VEZT: variants seen among roughly 807,000 people sequenced by gnomAD.
VEZT encodes vezatin.
In VEZT, 39 loss-of-function variants were observed where a neutral mutation model predicts 79.9. The ratio of observed to expected loss-of-function variants is 0.49; its 90% confidence interval spans 0.38 to 0.64. VEZT has a LOEUF of 0.64. Ranked by LOEUF, VEZT falls within the 30% of genes least tolerant of loss-of-function variation. The pLI is 0.00. For missense variants in VEZT, 837 were observed against 893.1 expected (o/e 0.94, Z 0.80); for synonymous variants, 325 against 327.6 (o/e 0.99, Z 0.09).
At chr12:95,251,357 T>A (rs932238101) in intron 1 of VEZT, among the ~76,000 whole-genome samples, 2 of 152,204 alleles carry the variant, frequency 1.3e-5, no homozygotes, top group African/African-American at 4.8e-5. Flanking sequence ...TTAGCCATAC[T>A]GTGTTCTATT....
intron 1 of VEZT, among the ~76,000 whole-genome samples, chr12:95,250,791 C>T (rs1593415162): frequency 6.8e-6 from 1 of 147,166 alleles, no homozygotes. Flanking sequence ...GTGCTGTTTC[C>T]ACATAGCTTA....
At chr12:95,288,796 A>G (rs1372868976) in intron 9 of VEZT, among the ~76,000 whole-genome samples, 1 of 152,216 alleles carries the variant, frequency 6.6e-6, no homozygotes, top group African/African-American at 2.4e-5. Context: ...CCAAAGGATA[A>G]ATCTACCAAG....
intron 1 of VEZT, among the ~76,000 whole-genome samples, chr12:95,239,626 G>A (rs1166059415): frequency 6.6e-6 from 1 of 152,142 alleles, no homozygotes. Context: ...CAGGGCTAGT[G>A]TGAAGAGCTC....
At chr12:95,253,790 A>G (rs1454348181) in intron 2 of VEZT, among the ~76,000 whole-genome samples, 1 of 152,142 alleles carries the variant, frequency 6.6e-6, no homozygotes, top group Admixed American at 6.5e-5. Flanking sequence ...TAAAAAGCAT[A>G]GCCAGAGGTT....
chr12:95,280,242 T>C (rs2068703232), intron 7 of VEZT, among the ~76,000 whole-genome samples: 1 of 152,144 alleles, frequency 6.6e-6, no homozygotes, highest in East Asian at 1.9e-4. Context: ...GGCTCCCCAT[T>C]GCTTACCTGG....
chr12:95,280,612 C>T (rs2068847138), intron 7 of VEZT, among the ~76,000 whole-genome samples: 1 of 151,286 alleles, frequency 6.6e-6, no homozygotes, highest in African/African-American at 2.4e-5. Flanking sequence ...CTTTCTTTTT[C>T]TTCCTCGACA....
chr12:95,266,379 T>G lies in VEZT; in HGVS notation c.457T>G (p.Phe153Val), dbSNP rs762412270. 1.9e-6 allele frequency: 3 copies of G among 1,613,580 alleles called. No individual in the cohort carries two copies. Among genetic ancestry groups the G allele is most frequent in the Non-Finnish European group, 2.5e-6 (3 of 1,179,726 alleles). The change falls in exon 5 of 12, where the codon TTC becomes GTC. Residue 153 changes from phenylalanine (F) to valine (V), a missense_variant. Transcript: ENST00000436874. ...CAGGGATCTCTCAATGCTATTTGCCTTCATTAGCTTGCTCGTTATGCTTCC... is the reference window on the plus strand; with the variant it reads ...CAGGGATCTCTCAATGCTATTTGCCGTCATTAGCTTGCTCGTTATGCTTCC... ...NIWDLSMLFA[F>V]ISLLVMLPTW...
At chr12:95,250,070 TA>T (rs397825505) in intron 1 of VEZT, among the ~76,000 whole-genome samples, 8 of 149,670 alleles carry the variant, frequency 5.3e-5, no homozygotes, top group Non-Finnish European at 1.2e-4. Flanking sequence ...CTTTTTTTTT[TA>T]ATTATTATTA....
In VEZT at chr12:95,257,005, G is replaced by A. The variant is rs1281176382; in HGVS notation, c.169-145G>A. 8.4e-6 allele frequency: 5 copies of A among 597,728 alleles called. No homozygotes were observed. The East Asian group carries it at 8.9e-5, about 11-fold the overall frequency. 37.0% of individuals were successfully genotyped at this position (597,728 alleles called of 1,614,324 possible). A position where few individuals can be genotyped will look rare whatever the true frequency, so the allele number is the denominator to read the frequency against. Reference sequence around the variant, plus strand: ...TAGGAACTAATAAGGAGGCTGAGATGTACTGACAAGGTATATAACCTGGAC... The same window carrying A: ...TAGGAACTAATAAGGAGGCTGAGATATACTGACAAGGTATATAACCTGGAC... On this transcript the variant is annotated intron_variant, in intron 2 of 11. Transcript: ENST00000436874.
intron 1 of VEZT, among the ~76,000 whole-genome samples, chr12:95,235,703 G>A (rs1460609382): frequency 6.2e-4 from 93 of 149,732 alleles, no homozygotes; most frequent in African/African-American, 2.3e-3. Context: ...GGGGCGGCTG[G>A]CCGGGCGGGG....
At chr12:95,252,791 C>G (rs986004108) in intron 2 of VEZT, among the ~76,000 whole-genome samples, 1 of 152,086 alleles carries the variant, frequency 6.6e-6, no homozygotes, top group Non-Finnish European at 1.5e-5. Context: ...ATGGTGAAAC[C>G]CTGTCTCTAC....
chr12:95,254,164 T>C (rs2063069217), intron 2 of VEZT, among the ~76,000 whole-genome samples: 1 of 151,304 alleles, frequency 6.6e-6, no homozygotes, highest in South Asian at 2.1e-4. Flanking sequence ...TCTTTATTTT[T>C]TGTAAAGATT....
rs540514974 is a variant in VEZT, at chr12:95,297,409, T to C, written c.1831+1151T>C. On this transcript the variant is annotated intron_variant, in intron 11 of 11. Transcript: ENST00000436874. ...GTTCCTCCAGTTCTCTTTTTTTTTT[T>C]CCCCTCAGGAGCCCTATGTTTTCTC... 2.5e-3 allele frequency among the ~76,000 whole-genome samples: 380 copies of C among 150,636 alleles called. 1 individual carries two copies. The highest frequency in any genetic ancestry group is 7.7e-3 in the Admixed American group (117 of 15,126).
Position 95,278,096 on chromosome 12 carries a change from G to A in VEZT, c.996+3207G>A, listed in dbSNP as rs137882818. ...ACTGTGTGGTCCTGAGCAAATCATT[G>A]TTTCTGTGTTTATTAAAATGGGATA... On this transcript the variant is annotated intron_variant, in intron 7 of 11. Coordinates refer to ENST00000436874, the MANE Select transcript of VEZT (RefSeq NM_017599.4). Among the ~76,000 whole-genome samples, 899 of 152,292 alleles carry A rather than the reference G, an allele frequency of 5.9e-3. 12 individuals carry two copies. The highest frequency in any genetic ancestry group is 0.02 in the African/African-American group (851 of 41,568).
intron 7 of VEZT, among the ~76,000 whole-genome samples, chr12:95,281,701 A>G (rs1194225831): frequency 2.0e-5 from 3 of 151,932 alleles, no homozygotes; most frequent in African/African-American, 7.3e-5. Context: ...ACATACCACC[A>G]TGTCTGGCTA....
chr12:95,270,485 C>T (rs369433143), intron 6 of VEZT, among the ~76,000 whole-genome samples: 4 of 152,162 alleles, frequency 2.6e-5, no homozygotes, highest in African/African-American at 9.7e-5. Context: ...CTAGGTCTGA[C>T]ATTTTAAACA....
rs968901617 is a variant in VEZT, at chr12:95,302,349, A to T, written c.*1676A>T. 6.6e-6 allele frequency: 1 copy of T among 152,152 alleles called. No homozygotes were observed. Among genetic ancestry groups the T allele is most frequent in the Non-Finnish European group, 1.5e-5 (1 of 68,006 alleles). 9.4% of individuals were successfully genotyped at this position (152,152 alleles called of 1,614,324 possible). A position where few individuals can be genotyped will look rare whatever the true frequency, so the allele number is the denominator to read the frequency against. On this transcript the variant is annotated 3_prime_UTR_variant, in exon 12 of 12. Coordinates refer to ENST00000436874, the MANE Select transcript of VEZT (RefSeq NM_017599.4). ...ATCTTCATAAAATTGTATCAGTTTT[A>T]TTCAGTGTTCTCTAAGGTGATACCT...
chr12:95,293,276 G>A (rs549742930), intron 9 of VEZT, among the ~76,000 whole-genome samples: 38 of 152,202 alleles, frequency 2.5e-4, no homozygotes, highest in African/African-American at 5.3e-4. Context: ...TTTATTCATC[G>A]TTCTGCCATC....
intron 8 of VEZT, among the ~76,000 whole-genome samples, chr12:95,285,982 C>CTTTTTT (rs869030351): frequency 1.0e-4 from 9 of 85,832 alleles, no homozygotes; most frequent in Non-Finnish European, 2.0e-4. Flanking sequence ...CCGACCCCTT[C>CTTTTTT]TTTTTTTTTT....
Sources: allele counts gnomAD v4.1 joint callset (sites outside exome capture counted in the v4.1 genomes callset), GRCh38; gene constraint gnomAD v4.1.1; transcripts MANE v1.5; gene names NCBI Gene and HGNC (gene_info 2026-07-23, HGNC 2026-07-21).